The following GRID2 variants were observed in gnomAD, a reference collection of about 807,000 sequenced individuals.
GRID2 encodes the protein glutamate receptor ionotropic, delta-2.
GRID2 carries 33 observed loss-of-function variants against 114.8 expected under a neutral mutation model. The ratio of observed to expected loss-of-function variants is 0.29; its 90% CI spans 0.22 to 0.38. The LOEUF (loss-of-function observed/expected upper bound fraction) is 0.38, where lower values mean the gene tolerates loss of function less well. GRID2 is among the 10% of genes least tolerant of loss of function. The pLI, the probability that GRID2 is intolerant of heterozygous loss-of-function variation, is 1.00. For synonymous variants in GRID2, 505 were observed against 449.9 expected, an observed-to-expected ratio of 1.12 and a Z score of -1.55; for missense variants, 1,184 against 1,257.7, an observed-to-expected ratio of 0.94 and a Z score of 0.89.
intron 14 of GRID2, among the ~76,000 whole-genome samples, chr4:93,657,668 C>T (rs181295723): frequency 6.6e-6 from 1 of 152,300 alleles, no homozygotes; most frequent in African/African-American, 2.4e-5. Context: ...GATCCCTCTA[C>T]TTCCAGTCAC....
intron 2 of GRID2, among the ~76,000 whole-genome samples, chr4:92,824,273 A>C (rs997372074): frequency 1.3e-5 from 2 of 152,110 alleles, no homozygotes; most frequent in African/African-American, 4.8e-5. Flanking sequence ...AAAATTTATC[A>C]TTACTTGTGT....
At chr4:93,121,114 C>G (rs910233872) in intron 4 of GRID2, among the ~76,000 whole-genome samples, 5 of 151,966 alleles carry the variant, frequency 3.3e-5, no homozygotes, top group African/African-American at 1.2e-4. Flanking sequence ...AAAGGGTGCC[C>G]TGAGTACTCA....
At chr4:92,372,527 A>T (rs1374476991) in intron 1 of GRID2, among the ~76,000 whole-genome samples, 1 of 152,188 alleles carries the variant, frequency 6.6e-6, no homozygotes, top group Non-Finnish European at 1.5e-5. Context: ...AGGTATTTAA[A>T]TTATTGTTTT....
chr4:93,075,275 G>C (rs1729157074), intron 2 of GRID2, among the ~76,000 whole-genome samples: 1 of 152,122 alleles, frequency 6.6e-6, no homozygotes, highest in South Asian at 2.1e-4. Flanking sequence ...ACTCTGAACA[G>C]CTCTATTCCT....
intron 2 of GRID2, among the ~76,000 whole-genome samples, chr4:92,772,231 G>A (rs947827273): frequency 4.6e-5 from 7 of 152,094 alleles, no homozygotes; most frequent in African/African-American, 1.4e-4. Context: ...CCTTTACTAT[G>A]CTGAAAGGCA....
At chr4:93,243,097 G>A (rs1281379396) in intron 8 of GRID2, among the ~76,000 whole-genome samples, 1 of 151,882 alleles carries the variant, frequency 6.6e-6, no homozygotes, top group African/African-American at 2.4e-5. Context: ...GTATACCTTT[G>A]ACACTTGAAA....
chr4:92,407,622 T>C (rs1272321863), intron 1 of GRID2, among the ~76,000 whole-genome samples: 3 of 152,190 alleles, frequency 2.0e-5, no homozygotes, highest in Non-Finnish European at 4.4e-5. Flanking sequence ...ATAATTGCTA[T>C]TGTGACTGGT....
At chr4:92,378,040 C>CT (rs1729438215) in intron 1 of GRID2, among the ~76,000 whole-genome samples, 2 of 151,272 alleles carry the variant, frequency 1.3e-5, no homozygotes, top group African/African-American at 4.9e-5. Context: ...AAATTACTGT[C>CT]TTTTTGTATC....
At chr4:92,499,422 T>C (rs1054958867) in intron 1 of GRID2, among the ~76,000 whole-genome samples, 4 of 152,164 alleles carry the variant, frequency 2.6e-5, no homozygotes, top group Admixed American at 6.6e-5. Flanking sequence ...TCTCTATTTG[T>C]TCCTAAGATT....
chr4:92,307,264 A>G (rs961409825), intron 1 of GRID2, among the ~76,000 whole-genome samples: 4 of 152,134 alleles, frequency 2.6e-5, no homozygotes, highest in Non-Finnish European at 4.4e-5. Context: ...CTGGGGAAAT[A>G]TATTAGTTCA....
rs375407020 is a variant in GRID2, at chr4:92,590,308, T to C, written c.244+22T>C. 48 of 1,564,990 alleles carry C rather than the reference T, an allele frequency of 3.1e-5. No homozygotes were observed. In the African/African-American group the frequency reaches 5.5e-4, roughly 18 times the overall value. The stretch of plus-strand genomic sequence containing the variant: ...GAAGGTAAGGTCATCAGTATTTATT[T>C]TGGTTTTTTGGTTCAATTCAAGTGG... On this transcript the variant is annotated intron_variant, in intron 2 of 15. Coordinates refer to ENST00000282020, the MANE Select transcript of GRID2 (RefSeq NM_001510.4).
rs1729766871 is a variant in GRID2, at chr4:92,384,381, A to G, written c.88+79637A>G. On this transcript the variant is annotated intron_variant, in intron 1 of 15. Coordinates refer to ENST00000282020, the MANE Select transcript of GRID2 (RefSeq NM_001510.4). ...ACATTCTGTGAATCAGCCATTGTGG[A>G]TAATGTCATATATACTAACAGAGGA... is the stretch of plus-strand genomic sequence containing the variant. 3.3e-5 allele frequency among the ~76,000 whole-genome samples: 4 copies of G among 121,620 alleles called. No homozygotes were observed. The South Asian group carries it at 1.0e-3, about 30-fold the overall frequency. 79.8% of individuals were successfully genotyped at this position (121,620 alleles called of 152,430 possible).
intron 2 of GRID2, among the ~76,000 whole-genome samples, chr4:92,703,444 T>G (rs1465887460): frequency 6.6e-6 from 1 of 152,034 alleles, no homozygotes; most frequent in Non-Finnish European, 1.5e-5. Context: ...CAGTTTATGA[T>G]GAAGGAACTG....
intron 13 of GRID2, among the ~76,000 whole-genome samples, chr4:93,578,776 G>T (rs1240908270): frequency 1.3e-5 from 2 of 151,888 alleles, no homozygotes; most frequent in Non-Finnish European, 2.9e-5. Flanking sequence ...TGTATTTTTA[G>T]TAGAGACAGG....
intron 2 of GRID2, among the ~76,000 whole-genome samples, chr4:92,920,690 G>T (rs1023859742): frequency 1.3e-5 from 2 of 152,142 alleles, no homozygotes; most frequent in Non-Finnish European, 2.9e-5. Flanking sequence ...CTCTCTTCTG[G>T]CTTGTAGAGT....
chr4:92,497,968 A>G (rs1723477215), intron 1 of GRID2, among the ~76,000 whole-genome samples: 1 of 151,876 alleles, frequency 6.6e-6, no homozygotes, highest in Non-Finnish European at 1.5e-5. Context: ...GTAAACATTC[A>G]CTATGTACTA....
chr4:92,887,634 C>G (rs1357212443), intron 2 of GRID2, among the ~76,000 whole-genome samples: 1 of 152,114 alleles, frequency 6.6e-6, no homozygotes, highest in Non-Finnish European at 1.5e-5. Context: ...GGTGCTAGGA[C>G]CAGGTCTACT....
intron 2 of GRID2, among the ~76,000 whole-genome samples, chr4:92,865,378 G>A (rs1744788565): frequency 6.6e-6 from 1 of 152,102 alleles, no homozygotes; most frequent in Admixed American, 6.6e-5. Flanking sequence ...TACTATTTGT[G>A]ATCTATTAAA....
At chr4:92,838,218 C>T (rs980332298) in intron 2 of GRID2, among the ~76,000 whole-genome samples, 1 of 151,960 alleles carries the variant, frequency 6.6e-6, no homozygotes, top group African/African-American at 2.4e-5. Flanking sequence ...AAATGGGTGA[C>T]TGTGTATTAT....
Sources: gnomAD v4.1 joint callset for allele counts (sites outside exome capture counted in the v4.1 genomes callset) on GRCh38, gnomAD v4.1.1 for gene constraint, MANE v1.5 for transcripts, NCBI Gene and HGNC (gene_info 2026-07-23, HGNC 2026-07-21) for gene names.